FSTL4: variants seen among roughly 807,000 people sequenced by gnomAD.
FSTL4 encodes the protein follistatin like 4, also known as follistatin-related protein 4.
In FSTL4, 28 loss-of-function variants were observed where a neutral mutation model predicts 78.2. The observed-to-expected ratio is 0.36, with a 90% CI of 0.27 to 0.49. The LOEUF (loss-of-function observed/expected upper bound fraction) is 0.49. Among genes scored for constraint, FSTL4 ranks in the 20% least tolerant of loss-of-function variants. FSTL4 has a pLI of 0.98. For missense variants in FSTL4, 922 were observed against 1,084.9 expected (o/e 0.85, Z 2.11); for synonymous variants, 422 against 440.5 (o/e 0.96, Z 0.53).
chr5:133,500,552 C>T (rs999547161), intron 3 of FSTL4, among the ~76,000 whole-genome samples: 6 of 152,100 alleles, frequency 3.9e-5, no homozygotes, highest in African/African-American at 1.2e-4. Flanking sequence ...TAAGACCCAG[C>T]CTCCTGACTC....
chr5:133,425,937 A>G (rs796970068), intron 3 of FSTL4, among the ~76,000 whole-genome samples: 5 of 152,324 alleles, frequency 3.3e-5, no homozygotes, highest in African/African-American at 1.2e-4. Context: ...ATTTGAAGTT[A>G]GGGTGAGGAG....
chr5:133,570,157 C>G (rs554286544), intron 2 of FSTL4, among the ~76,000 whole-genome samples: 1 of 150,722 alleles, frequency 6.6e-6, no homozygotes, highest in Non-Finnish European at 1.5e-5. Context: ...TGCAGTGAGC[C>G]GAGATCGCGC....
intron 4 of FSTL4, among the ~76,000 whole-genome samples, chr5:133,346,705 C>T (rs1754704378): frequency 6.6e-6 from 1 of 152,024 alleles, no homozygotes; most frequent in African/African-American, 2.4e-5. Flanking sequence ...TCTGTTATTC[C>T]TTTGGTAATT....
the FSTL4 span, among the ~76,000 whole-genome samples, chr5:133,791,285 CA>C: frequency 6.6e-6 from 1 of 150,658 alleles, no homozygotes; most frequent in African/African-American, 2.5e-5. Context: ...CGTGCACACA[CA>C]CACACACACA....
chr5:133,653,469 C>T, the FSTL4 span, among the ~76,000 whole-genome samples: 21 of 152,144 alleles, frequency 1.4e-4, no homozygotes, highest in Non-Finnish European at 2.2e-4. Flanking sequence ...GGGACTGCAT[C>T]CCTCCCTGCT....
chr5:133,703,633 C>T, the FSTL4 span, among the ~76,000 whole-genome samples: 1 of 152,204 alleles, frequency 6.6e-6, no homozygotes, highest in Non-Finnish European at 1.5e-5. Context: ...AGGAAACTTC[C>T]AGAGAGGAAA....
the FSTL4 span, among the ~76,000 whole-genome samples, chr5:133,618,228 A>ATT: frequency 1.3e-5 from 2 of 152,220 alleles, no homozygotes; most frequent in Admixed American, 1.3e-4. Flanking sequence ...TGATATATAT[A>ATT]TCTTCCTCTC....
At chr5:133,641,296 A>T in the FSTL4 span, among the ~76,000 whole-genome samples, 2 of 152,334 alleles carry the variant, frequency 1.3e-5, no homozygotes, top group East Asian at 1.9e-4. Flanking sequence ...TGATTCATGA[A>T]TTACTAATAC....
chr5:133,766,991 G>A, the FSTL4 span, among the ~76,000 whole-genome samples: 1 of 152,222 alleles, frequency 6.6e-6, no homozygotes. Context: ...CCAGGAGATG[G>A]TCAAGGAAAG....
At chr5:133,710,327 C>T in the FSTL4 span, among the ~76,000 whole-genome samples, 1 of 152,198 alleles carries the variant, frequency 6.6e-6, no homozygotes, top group Non-Finnish European at 1.5e-5. Flanking sequence ...CCAAGAGCAC[C>T]TATCTTCATG....
At chr5:133,697,138 C>T in the FSTL4 span, among the ~76,000 whole-genome samples, 1 of 152,208 alleles carries the variant, frequency 6.6e-6, no homozygotes, top group Non-Finnish European at 1.5e-5. Flanking sequence ...CAGTGACTAG[C>T]AGGGATATTA....
the FSTL4 span, among the ~76,000 whole-genome samples, chr5:133,696,166 G>A: frequency 3.9e-5 from 6 of 152,134 alleles, no homozygotes; most frequent in Non-Finnish European, 8.8e-5. Flanking sequence ...GAGAACGCAG[G>A]GCTGCCCGGC....
intron 3 of FSTL4, among the ~76,000 whole-genome samples, chr5:133,478,771 T>C (rs996791902): frequency 5.3e-5 from 8 of 152,082 alleles, no homozygotes; most frequent in African/African-American, 1.9e-4. Context: ...CAGTTTCTGC[T>C]TGGGGCTATT....
chr5:133,495,401 C>T (rs1335991623), intron 3 of FSTL4, among the ~76,000 whole-genome samples: 1 of 152,206 alleles, frequency 6.6e-6, no homozygotes, highest in Non-Finnish European at 1.5e-5. Flanking sequence ...GAAGTAAGTG[C>T]CACAAATCAT....
At chr5:133,628,356 C>T in the FSTL4 span, among the ~76,000 whole-genome samples, 4 of 134,726 alleles carry the variant, frequency 3.0e-5, no homozygotes, top group African/African-American at 1.1e-4. Context: ...CTTTTCTTTT[C>T]TTTTCTTTTC....
intron 4 of FSTL4, among the ~76,000 whole-genome samples, chr5:133,383,361 T>C (rs140560333): frequency 3.4e-4 from 52 of 152,262 alleles, no homozygotes; most frequent in Middle Eastern, 6.8e-3. Flanking sequence ...TTGAGATTCC[T>C]GGGGCTAGAA....
At chr5:133,840,966 G>A in the FSTL4 span, among the ~76,000 whole-genome samples, 3 of 152,270 alleles carry the variant, frequency 2.0e-5, no homozygotes, top group African/African-American at 7.2e-5. Flanking sequence ...CTGCATGGTT[G>A]GGAAGGGGAT....
chr5:133,675,468 C>G, the FSTL4 span, among the ~76,000 whole-genome samples: 1 of 152,206 alleles, frequency 6.6e-6, no homozygotes, highest in East Asian at 1.9e-4. Context: ...CTCTTGTTCC[C>G]GTGGCCGTCA....
At chr5:133,787,618 G>A in the FSTL4 span, among the ~76,000 whole-genome samples, 889 of 151,484 alleles carry the variant, frequency 5.9e-3, 8 homozygotes, top group African/African-American at 0.021. Context: ...CCACTCCTGG[G>A]TGCAGCCAAA....
Sources: gnomAD v4.1 joint callset for allele counts (sites outside exome capture counted in the v4.1 genomes callset) on GRCh38, gnomAD v4.1.1 for gene constraint, MANE v1.5 for transcripts, NCBI Gene and HGNC (gene_info 2026-07-23, HGNC 2026-07-21) for gene names.